TTC12: variants seen among roughly 807,000 people sequenced by gnomAD.
The protein encoded by TTC12 is tetratricopeptide repeat domain 12.
A neutral mutation model predicts 90.1 loss-of-function variants in TTC12; 70 were observed. That is an observed-to-expected ratio of 0.78 (90% CI 0.64 to 0.95). TTC12 has a LOEUF of 0.95. Among genes scored for constraint, TTC12 ranks in the 40% least tolerant of loss-of-function variants. TTC12 has a pLI of 0.00. For synonymous variants in TTC12, 296 were observed against 311.5 expected, an observed-to-expected ratio of 0.95 and a Z score of 0.53; for missense variants, 819 against 846.1, an observed-to-expected ratio of 0.97 and a Z score of 0.40.
intron 12 of TTC12, 43 bp downstream of exon 12, chr11:113,341,968 G>A (rs781986842): frequency 5.8e-5 from 89 of 1,528,208 alleles, no homozygotes; most frequent in Middle Eastern, 1.7e-4. Flanking sequence ...AATGCGCTGC[G>A]TGCAGGAACT....
chr11:113,346,211 C>T (rs1177992545), intron 13 of TTC12, among the ~76,000 whole-genome samples: 4 of 152,062 alleles, frequency 2.6e-5, no homozygotes, highest in African/African-American at 7.2e-5. Flanking sequence ...TAGTCTTAAG[C>T]GTACTGAGTT....
intron 18 of TTC12, among the ~76,000 whole-genome samples, chr11:113,361,858 TAGG>T (rs1949947849): frequency 1.3e-5 from 2 of 148,354 alleles, no homozygotes; most frequent in East Asian, 4.0e-4. Context: ...AGAGATGATA[TAGG>T]AAACAGAAGA....
intron 2 of TTC12, among the ~76,000 whole-genome samples, chr11:113,318,610 G>T (rs1047390773): frequency 1.2e-5 from 1 of 84,108 alleles, no homozygotes; most frequent in Non-Finnish European, 3.0e-5. Flanking sequence ...GTGAATTTTT[G>T]GGGGGGATGC....
Position 113,344,427 on chromosome 11 carries a change from C to T in TTC12, c.1141C>T (p.Leu381Phe). Residue 381 changes from leucine (L) to phenylalanine (F), a missense_variant, in exon 13 of 22, where the codon CTT (leucine) becomes TTT (phenylalanine). Transcript: ENST00000529221. ...ESGRSLIINH[L>F]DLTRLLEALV... ...CGGACGGAGCCTGATCATCAACCACCTTGACCTGACCAGGTAAGCCTCTGC... is the reference window on the plus strand; with the variant it reads ...CGGACGGAGCCTGATCATCAACCACTTTGACCTGACCAGGTAAGCCTCTGC... The T allele has an allele frequency of 6.2e-7, 1 of 1,613,696 alleles. No homozygotes were observed. The highest frequency in any genetic ancestry group is 8.5e-7 in the Non-Finnish European group (1 of 1,179,762).
chr11:113,317,108 G>C (rs782612120), intron 2 of TTC12, among the ~76,000 whole-genome samples: 3 of 152,164 alleles, frequency 2.0e-5, no homozygotes, highest in Non-Finnish European at 2.9e-5. Context: ...CTCTGGCCTT[G>C]GCCCACTGCC....
intron 6 of TTC12, among the ~76,000 whole-genome samples, chr11:113,327,282 A>C (rs548110201): frequency 6.6e-6 from 1 of 152,348 alleles, no homozygotes; most frequent in Non-Finnish European, 1.5e-5. Flanking sequence ...GATTCCTCTC[A>C]GCTTTCCCAA....
chr11:113,368,681 A>G (rs553822032), downstream of TTC12: 9 of 632,998 alleles, frequency 1.4e-5, 1 homozygote, highest in Non-Finnish European at 2.0e-5. Context: ...AGAGGAAACA[A>G]TAGGAAGGGG....
intron 15 of TTC12, 35 bp from the exon 16 acceptor site, chr11:113,352,035 C>T (rs1402609596): frequency 1.2e-6 from 2 of 1,608,722 alleles, no homozygotes; most frequent in Non-Finnish European, 1.7e-6. Flanking sequence ...TTTGCCTGCT[C>T]TCTGAGGCTC....
At chr11:113,344,251 C>T (rs782479301) in intron 12 of TTC12, 21 bp from the exon 13 acceptor site, 10 of 1,600,572 alleles carry the variant, frequency 6.2e-6, no homozygotes, top group Middle Eastern at 1.7e-4. Flanking sequence ...GCACAAGACA[C>T]ACAACCTCTG....
chr11:113,368,747 G>C (rs2276446), downstream of TTC12: 1,113 of 528,408 alleles, frequency 2.1e-3, 20 homozygotes, highest in East Asian at 0.03. Context: ...TTAAGGATAG[G>C]TTCAAATAAG....
intron 19 of TTC12, 47 bp downstream of exon 19, chr11:113,362,549 C>T (rs782688389): frequency 2.4e-6 from 3 of 1,275,744 alleles, no homozygotes; most frequent in Non-Finnish European, 3.4e-6. Context: ...ACAGAAGTCT[C>T]CTATTTTATT....
At chr11:113,368,169 T>C, downstream of TTC12, 1 of 1,399,686 alleles carries the variant, frequency 7.1e-7, no homozygotes, top group Non-Finnish European at 9.4e-7. Flanking sequence ...AATTACGTTA[T>C]TATGTTTATT....
chr11:113,368,536 G>A (rs1394173805), downstream of TTC12: 8 of 1,529,340 alleles, frequency 5.2e-6, no homozygotes, highest in Non-Finnish European at 6.2e-6. Context: ...TGGCCGGGAT[G>A]GAACTCCATC....
chr11:113,365,188 C>A, intron 21 of TTC12, 128 bp downstream of exon 21: 1 of 833,792 alleles, frequency 1.2e-6, no homozygotes, highest in Non-Finnish European at 1.9e-6. Flanking sequence ...TCTGTGCAGA[C>A]CTAGGTTAAG....
At position 113,352,204 on chromosome 11, in the gene TTC12, C is replaced by G; in HGVS notation, c.1443C>G (p.Leu481=). 6.2e-7 allele frequency: 1 copy of G among 1,614,178 alleles called. No homozygotes were observed. The highest frequency in any genetic ancestry group is 8.5e-7 in the Non-Finnish European group (1 of 1,180,022). Residue 481 remains leucine (L), a synonymous_variant, in exon 16 of 22, where the codon CTC becomes CTG. Coordinates refer to ENST00000529221, the MANE Select transcript of TTC12 (RefSeq NM_017868.4). ...CEEFGDGCLS[L]LARCEEDVDL... ...AATTTGGGGATGGCTGCTTGAGCCT[C>G]CTGGTATGTTAGCTTTTCTATTCAA...
chr11:113,327,413 T>C (rs1166877027), intron 6 of TTC12, among the ~76,000 whole-genome samples: 1 of 146,284 alleles, frequency 6.8e-6, no homozygotes, highest in Non-Finnish European at 1.5e-5. Flanking sequence ...AGAAAACACT[T>C]AATAAGGACC....
rs782346772 is a variant in TTC12, at chr11:113,323,984, A to G, written c.223-10A>G. ...TGTTTCTTTGTTTTTATGGTAACCT[A>G]CGTCTACAGAGTGCAGAAGAAATAA... is the stretch of plus-strand genomic sequence containing the variant. On this transcript the variant is annotated splice_polypyrimidine_tract_variant and intron_variant, in intron 3 of 21. Transcript: ENST00000529221. The G allele has an allele frequency of 1.2e-6, 2 of 1,609,914 alleles. No individual in the cohort carries two copies. The highest frequency in any genetic ancestry group is 1.7e-6 in the Non-Finnish European group (2 of 1,177,466).
In TTC12 at chr11:113,350,285, A is replaced by T. The variant is rs533671239; in HGVS notation, c.1247+120A>T. Reference sequence around the variant, plus strand: ...CAAGTCTCCAAGTGAGTATTGCAAGATTCACTGAGTAGGAGGGCTGATGCC... The same window carrying T: ...CAAGTCTCCAAGTGAGTATTGCAAGTTTCACTGAGTAGGAGGGCTGATGCC... On this transcript the variant is annotated intron_variant, in intron 14 of 21. Transcript: ENST00000529221. 5 of 746,932 alleles carry T rather than the reference A, an allele frequency of 6.7e-6. No homozygotes were observed. In the East Asian group the frequency reaches 1.4e-4, roughly 21 times the overall value. The allele number at this position is 746,932 out of a possible 1,614,324, so 46.3% of individuals were successfully genotyped here.
chr11:113,342,289 A>G (rs1555146433), intron 12 of TTC12, among the ~76,000 whole-genome samples: 1 of 152,034 alleles, frequency 6.6e-6, no homozygotes, highest in Non-Finnish European at 1.5e-5. Context: ...CAGCATCCTG[A>G]GATTTACAGT....
Sources: gnomAD v4.1 joint callset for allele counts (sites outside exome capture counted in the v4.1 genomes callset) on GRCh38, gnomAD v4.1.1 for gene constraint, MANE v1.5 for transcripts, NCBI Gene and HGNC (gene_info 2026-07-23, HGNC 2026-07-21) for gene names.